The following MAST4 variants were observed in gnomAD, a reference collection of about 807,000 sequenced individuals.
MAST4 encodes the protein microtubule associated serine/threonine kinase family member 4, also known as microtubule-associated serine/threonine-protein kinase 4.
Under a neutral mutation model 162.7 loss-of-function variants are expected in MAST4, and 89 were observed. The ratio of observed to expected loss-of-function variants is 0.55; its 90% CI spans 0.46 to 0.65. The LOEUF (loss-of-function observed/expected upper bound fraction) is 0.65. MAST4 is among the 30% of genes least tolerant of loss of function. MAST4 has a pLI of 0.00. For synonymous variants in MAST4, 1,479 were observed against 1,361.1 expected, an observed-to-expected ratio of 1.09 and a Z score of -1.91; for missense variants, 3,153 against 3,374.0, an observed-to-expected ratio of 0.93 and a Z score of 1.62.
intron 1 of MAST4, among the ~76,000 whole-genome samples, chr5:66,647,993 C>G (rs1745955433): frequency 1.3e-5 from 2 of 148,944 alleles, no homozygotes; most frequent in African/African-American, 4.9e-5. Context: ...AAATTCCTGA[C>G]TTCATCTGAG....
intron 4 of MAST4, among the ~76,000 whole-genome samples, chr5:66,938,912 A>G (rs1220369098): frequency 6.6e-6 from 1 of 152,172 alleles, no homozygotes; most frequent in Non-Finnish European, 1.5e-5. Flanking sequence ...TGAAAAATAA[A>G]GGTTGGGGAA....
chr5:67,022,400 A>G (rs1754094864), intron 4 of MAST4, among the ~76,000 whole-genome samples: 1 of 143,654 alleles, frequency 7.0e-6, no homozygotes, highest in Non-Finnish European at 1.5e-5. Flanking sequence ...TGTGTTCCCT[A>G]TTTTCTCTAC....
intron 3 of MAST4, among the ~76,000 whole-genome samples, chr5:66,844,535 A>G (rs1256070022): frequency 6.6e-6 from 1 of 151,922 alleles, no homozygotes; most frequent in Non-Finnish European, 1.5e-5. Context: ...TCATTCACTC[A>G]CCCAACGGAT....
At chr5:66,775,009 G>A (rs1444252774) in intron 2 of MAST4, among the ~76,000 whole-genome samples, 1 of 145,190 alleles carries the variant, frequency 6.9e-6, no homozygotes, top group Non-Finnish European at 1.5e-5. Flanking sequence ...GTGTGTGTGT[G>A]TGTGTGTGTG....
intron 3 of MAST4, among the ~76,000 whole-genome samples, chr5:66,834,139 C>T (rs568307839): frequency 9.1e-4 from 139 of 152,164 alleles, no homozygotes; most frequent in African/African-American, 3.1e-3. Flanking sequence ...GAAAAGATGG[C>T]GTACATGTCT....
At position 66,627,488 on chromosome 5, in the gene MAST4, A is replaced by G. The variant is rs145159185; in HGVS notation, c.363+30470A>G. Among the ~76,000 whole-genome samples the G allele has an allele frequency of 4.8e-3, 736 of 152,334 alleles. 1 individual carries two copies. Among genetic ancestry groups the G allele is most frequent in the Middle Eastern group, 0.024 (7 of 294 alleles). ...TCAGTGCTACTGAAAGGAAGGCAAGACTGAGAAGTAAGACTTCACCAGGGT... is the reference window on the plus strand; with the variant it reads ...TCAGTGCTACTGAAAGGAAGGCAAGGCTGAGAAGTAAGACTTCACCAGGGT... On this transcript the variant is annotated intron_variant, in intron 1 of 28. Transcript: ENST00000403625.
intron 1 of MAST4, among the ~76,000 whole-genome samples, chr5:66,611,591 G>A (rs1199379363): frequency 1.3e-5 from 2 of 152,074 alleles, no homozygotes; most frequent in Non-Finnish European, 2.9e-5. Flanking sequence ...ATCTCTTTAG[G>A]GATCTTCTGT....
chr5:67,022,824 G>T (rs1561543016), intron 4 of MAST4, among the ~76,000 whole-genome samples: 1 of 151,730 alleles, frequency 6.6e-6, no homozygotes, highest in Non-Finnish European at 1.5e-5. Context: ...GATCTGATTT[G>T]TGTGTGTGAA....
chr5:66,808,398 C>T (rs969109475), intron 3 of MAST4, among the ~76,000 whole-genome samples: 3 of 152,178 alleles, frequency 2.0e-5, no homozygotes, highest in African/African-American at 7.2e-5. Context: ...GTTTAACATT[C>T]ATGTCAAATA....
At chr5:66,926,705 T>G (rs1764932486) in intron 4 of MAST4, among the ~76,000 whole-genome samples, 1 of 152,098 alleles carries the variant, frequency 6.6e-6, no homozygotes, top group Non-Finnish European at 1.5e-5. Flanking sequence ...TTCCTATGGC[T>G]TGAATACATT....
At chr5:66,851,937 G>A (rs1256618004) in intron 3 of MAST4, among the ~76,000 whole-genome samples, 7 of 152,074 alleles carry the variant, frequency 4.6e-5, no homozygotes, top group African/African-American at 1.4e-4. Flanking sequence ...ATAATCTGGC[G>A]AGGTTATCTG....
intron 2 of MAST4, among the ~76,000 whole-genome samples, chr5:66,786,448 C>T (rs916415695): frequency 2.6e-5 from 4 of 151,662 alleles, no homozygotes; most frequent in Non-Finnish European, 5.9e-5. Flanking sequence ...AAATAAAATA[C>T]AAATAAATAA....
At chr5:66,680,737 A>AC (rs1748275292) in intron 1 of MAST4, among the ~76,000 whole-genome samples, 1 of 151,852 alleles carries the variant, frequency 6.6e-6, no homozygotes, top group South Asian at 2.1e-4. Context: ...TTGTGGTGTC[A>AC]CCCCCCAAAA....
At position 67,036,712 on chromosome 5, in the gene MAST4, A is replaced by G. The variant is rs149609962; in HGVS notation, c.675-17692A>G. Among the ~76,000 whole-genome samples the G allele has an allele frequency of 8.6e-3, 1,306 of 152,318 alleles. 27 individuals are homozygous for G. The highest frequency in any genetic ancestry group is 0.017 in the Middle Eastern group (5 of 294). Reference sequence around the variant, plus strand: ...GGAATAATGACAAGAAAAAAATTGTATGTGTTCAGTACAGATGCAATTTTT... The same window carrying G: ...GGAATAATGACAAGAAAAAAATTGTGTGTGTTCAGTACAGATGCAATTTTT... On this transcript the variant is annotated intron_variant, in intron 4 of 28. Transcript: ENST00000403625.
At chr5:66,775,037 ATGT>A (rs1754530652) in intron 2 of MAST4, among the ~76,000 whole-genome samples, 1 of 73,942 alleles carries the variant, frequency 1.4e-5, no homozygotes, top group African/African-American at 5.0e-5. Flanking sequence ...GTGTGTGTGT[ATGT>A]GTGTGTTTTC....
chr5:67,109,422 G>T (rs1765964680), intron 10 of MAST4, among the ~76,000 whole-genome samples: 1 of 151,914 alleles, frequency 6.6e-6, no homozygotes, highest in Non-Finnish European at 1.5e-5. Context: ...AAACATAAAT[G>T]AATTTTTATG....
intron 3 of MAST4, among the ~76,000 whole-genome samples, chr5:66,814,039 T>C (rs1472193994): frequency 6.6e-6 from 1 of 152,230 alleles, no homozygotes; most frequent in Non-Finnish European, 1.5e-5. Flanking sequence ...CCGGGGGACC[T>C]GATCCGGGGG....
intron 3 of MAST4, among the ~76,000 whole-genome samples, chr5:66,860,275 A>T (rs1370665643): frequency 6.6e-6 from 1 of 152,252 alleles, no homozygotes; most frequent in Admixed American, 6.5e-5. Flanking sequence ...AACAGAGTGT[A>T]ACACATAGGA....
chr5:67,092,487 G>A (rs1000180605), intron 6 of MAST4, among the ~76,000 whole-genome samples: 1 of 152,164 alleles, frequency 6.6e-6, no homozygotes, highest in African/African-American at 2.4e-5. Context: ...CTGGAGGAAG[G>A]CCACATTTTC....
Sources: allele counts gnomAD v4.1 joint callset (sites outside exome capture counted in the v4.1 genomes callset), GRCh38; gene constraint gnomAD v4.1.1; transcripts MANE v1.5; gene names NCBI Gene and HGNC (gene_info 2026-07-23, HGNC 2026-07-21).